Variants in CSMD1 observed in about 807,000 individuals in gnomAD.
The protein encoded by CSMD1 is CUB and Sushi multiple domains 1.
Under a neutral mutation model 417.5 loss-of-function variants are expected in CSMD1, and 213 were observed. The observed-to-expected ratio is 0.51, with a 90% CI of 0.46 to 0.57. The LOEUF is 0.57. Ranked by LOEUF, CSMD1 falls within the 20% of genes least tolerant of loss-of-function variation. The probability of loss-of-function intolerance (pLI) is 0.00; values close to 1 mark genes in which losing one functional copy is unlikely to be tolerated. For missense variants in CSMD1, 6,923 were observed against 4,529.7 expected (o/e 1.53, Z -15.17); for synonymous variants, 2,862 against 1,736.8 (o/e 1.65, Z -16.11).
chr8:3,170,651 T>G (rs896288613), intron 37 of CSMD1, among the ~76,000 whole-genome samples: 1 of 152,222 alleles, frequency 6.6e-6, no homozygotes, highest in East Asian at 1.9e-4. Flanking sequence ...CCATTGTGAA[T>G]TTAATTTTTA....
rs556650627 is a variant in CSMD1, at chr8:2,998,997, A to G, written c.8204-813T>C. ...TTGTCTACTTCATAGGAAAATATAC[A>G]ATATTTCTAAAAACAATTGGTTTAA... is the stretch of plus-strand genomic sequence containing the variant. On this transcript the variant is annotated intron_variant, in intron 53 of 69. Transcript: ENST00000635120. Among the ~76,000 whole-genome samples, 12 of 152,312 alleles carry G rather than the reference A, an allele frequency of 7.9e-5. No individual in the cohort carries two copies. In the South Asian group the frequency reaches 2.5e-3, roughly 32 times the overall value.
chr8:3,293,578 C>A (rs200511028), intron 25 of CSMD1, among the ~76,000 whole-genome samples: 4 of 152,106 alleles, frequency 2.6e-5, no homozygotes, highest in Admixed American at 2.6e-4. Flanking sequence ...TCATTCATTT[C>A]ATCTTCCATC....
At chr8:4,114,145 C>T (rs927861484) in intron 3 of CSMD1, among the ~76,000 whole-genome samples, 6 of 152,148 alleles carry the variant, frequency 3.9e-5, no homozygotes, top group Non-Finnish European at 8.8e-5. Context: ...TAAGTCAATG[C>T]TTGGCTTAAA....
intron 26 of CSMD1, among the ~76,000 whole-genome samples, chr8:3,233,572 G>T (rs1798972073): frequency 6.6e-6 from 1 of 152,222 alleles, no homozygotes; most frequent in Admixed American, 6.5e-5. Context: ...GTTATGTTTA[G>T]TAAGGACATG....
chr8:3,834,354 T>G (rs1344832349), intron 5 of CSMD1, among the ~76,000 whole-genome samples: 1 of 152,136 alleles, frequency 6.6e-6, no homozygotes, highest in Non-Finnish European at 1.5e-5. Flanking sequence ...AGGTGGGGAC[T>G]GAGTTTAACC....
intron 1 of CSMD1, among the ~76,000 whole-genome samples, chr8:4,756,732 A>T (rs188417534): frequency 6.6e-6 from 1 of 152,320 alleles, no homozygotes; most frequent in Admixed American, 6.5e-5. Context: ...GAGTTACAGG[A>T]AACAGGTAAA....
At chr8:4,932,571 T>C (rs996292631) in intron 1 of CSMD1, among the ~76,000 whole-genome samples, 1 of 152,194 alleles carries the variant, frequency 6.6e-6, no homozygotes, top group African/African-American at 2.4e-5. Flanking sequence ...GCTCTTGTCT[T>C]AGAAATATGA....
intron 25 of CSMD1, among the ~76,000 whole-genome samples, chr8:3,296,200 C>T (rs549765967): frequency 2.0e-5 from 3 of 151,998 alleles, no homozygotes; most frequent in South Asian, 4.2e-4. Context: ...TAGGCTAAGC[C>T]ATCTTGGCAG....
intron 3 of CSMD1, among the ~76,000 whole-genome samples, chr8:4,056,760 C>T (rs141975960): frequency 0.038 from 5,816 of 151,948 alleles, 350 homozygotes; most frequent in African/African-American, 0.12. Flanking sequence ...TGTTCAATTC[C>T]CACCTATGAG....
Position 4,334,276 on chromosome 8 carries a change from C to A in CSMD1, c.415+85677G>T, listed in dbSNP as rs542853067. 2.6e-5 allele frequency among the ~76,000 whole-genome samples: 4 copies of A among 152,212 alleles called. No homozygotes were observed. In the East Asian group the frequency reaches 7.7e-4, roughly 29 times the overall value. ...AAGGTGCTTAAAAGTATGCCTTACA[C>A]GTGTTTGGTCAAACACTATTCCAGG... On this transcript the variant is annotated intron_variant, in intron 3 of 69. Transcript: ENST00000635120.
At chr8:3,637,484 G>C (rs1402598371) in intron 7 of CSMD1, among the ~76,000 whole-genome samples, 3 of 152,132 alleles carry the variant, frequency 2.0e-5, no homozygotes. Flanking sequence ...CTTCAGAATT[G>C]TTCTTCTTTG....
intron 49 of CSMD1, among the ~76,000 whole-genome samples, chr8:3,083,576 T>C (rs1163946561): frequency 3.1e-5 from 4 of 130,070 alleles, no homozygotes; most frequent in Non-Finnish European, 6.3e-5. Flanking sequence ...TTCCAGGTCA[T>C]GCTCTCCATC....
At chr8:4,021,795 T>G (rs1796801769) in intron 4 of CSMD1, among the ~76,000 whole-genome samples, 1 of 152,104 alleles carries the variant, frequency 6.6e-6, no homozygotes, top group African/African-American at 2.4e-5. Context: ...AGCCATTTAG[T>G]GATAAAACTA....
At chr8:3,022,011 ACAG>A (rs1476929062) in intron 51 of CSMD1, among the ~76,000 whole-genome samples, 2 of 150,512 alleles carry the variant, frequency 1.3e-5, no homozygotes, top group African/African-American at 2.5e-5. Flanking sequence ...CTGCAATCCC[ACAG>A]CATCCAGAAT....
chr8:3,497,646 G>A (rs1563094862), intron 10 of CSMD1, among the ~76,000 whole-genome samples: 1 of 152,154 alleles, frequency 6.6e-6, no homozygotes, highest in African/African-American at 2.4e-5. Context: ...CTGTTTGCAT[G>A]GACTATCTCT....
chr8:3,656,948 T>C (rs1798141696), intron 7 of CSMD1, among the ~76,000 whole-genome samples: 1 of 149,356 alleles, frequency 6.7e-6, no homozygotes, highest in South Asian at 2.1e-4. Context: ...CCTTTAAAAA[T>C]CAGAGACTCA....
At chr8:4,036,059 G>C (rs1445948800) in intron 3 of CSMD1, among the ~76,000 whole-genome samples, 1 of 152,040 alleles carries the variant, frequency 6.6e-6, no homozygotes, top group Non-Finnish European at 1.5e-5. Flanking sequence ...TGTTATAGTT[G>C]CCTACAGTAT....
At chr8:4,801,727 TTAA>T (rs1287648047) in intron 1 of CSMD1, among the ~76,000 whole-genome samples, 2 of 151,476 alleles carry the variant, frequency 1.3e-5, no homozygotes, top group Admixed American at 6.6e-5. Flanking sequence ...CCACCCCACA[TTAA>T]TAATAGGAAA....
chr8:4,719,904 T>C (rs1393172203), intron 1 of CSMD1, among the ~76,000 whole-genome samples: 1 of 152,124 alleles, frequency 6.6e-6, no homozygotes. Flanking sequence ...ATATTCGACC[T>C]CACTTTTTAT....
Sources: allele counts gnomAD v4.1 joint callset (sites outside exome capture counted in the v4.1 genomes callset), GRCh38; gene constraint gnomAD v4.1.1; transcripts MANE v1.5; gene names NCBI Gene and HGNC (gene_info 2026-07-23, HGNC 2026-07-21).